DACH2: variants seen among roughly 807,000 people sequenced by gnomAD.
DACH2 encodes the protein dachshund homolog 2.
In DACH2, 17 loss-of-function variants were observed where a neutral mutation model predicts 35.8. The ratio of observed to expected loss-of-function variants is 0.48; its 90% CI spans 0.33 to 0.71. The LOEUF is 0.71. Among genes scored for constraint, DACH2 ranks in the 30% least tolerant of loss-of-function variants. The pLI is 0.02. For missense variants in DACH2, 469 were observed against 472.7 expected (o/e 0.99, Z 0.07); for synonymous variants, 195 against 177.3 (o/e 1.10, Z -0.79).
chrX:86,492,433 A>T (rs2038106464), intron 2 of DACH2, among the ~76,000 whole-genome samples: 1 of 111,908 alleles, frequency 8.9e-6, no homozygotes, highest in East Asian at 2.8e-4. Context: ...AAATACTTGA[A>T]TATATTTTGA....
intron 1 of DACH2, among the ~76,000 whole-genome samples, chrX:86,340,371 T>C (rs1442525258): frequency 9.0e-6 from 1 of 111,655 alleles, no homozygotes; most frequent in African/African-American, 3.3e-5. Flanking sequence ...TGATCTTTGA[T>C]GTTATCACTG....
intron 7 of DACH2, among the ~76,000 whole-genome samples, chrX:86,777,424 T>A (rs927881980): frequency 2.7e-5 from 3 of 111,007 alleles, no homozygotes; most frequent in Non-Finnish European, 3.8e-5. Context: ...AGAAGAGGGT[T>A]ATCAGTGGTT....
intron 1 of DACH2, among the ~76,000 whole-genome samples, chrX:86,358,430 G>A (rs73520057): frequency 0.039 from 2,384 of 61,282 alleles, 65 homozygotes; most frequent in East Asian, 0.32. Context: ...TCCCAGCCCC[G>A]CCACACACAC....
intron 1 of DACH2, among the ~76,000 whole-genome samples, chrX:86,178,742 G>A (rs893241081): frequency 3.6e-5 from 4 of 110,772 alleles, no homozygotes; most frequent in African/African-American, 1.3e-4. Context: ...TAAATCATGA[G>A]GTTTTTAAGA....
chrX:86,484,855 T>C (rs1302860631), intron 2 of DACH2, among the ~76,000 whole-genome samples: 1 of 112,380 alleles, frequency 8.9e-6, no homozygotes, highest in East Asian at 2.8e-4. Flanking sequence ...TACTACCGTA[T>C]ATTTTACTAT....
Position 86,739,990 on chromosome X carries a change from TATAA to T in DACH2, c.1240+112_1240+115del, listed in dbSNP as rs1478327684. 14 of 741,165 alleles carry T rather than the reference TATAA, an allele frequency of 1.9e-5. No homozygotes were observed. The African/African-American group carries it at 2.8e-4, about 15-fold the overall frequency. 61.1% of individuals were successfully genotyped at this position (741,165 alleles called of 1,213,427 possible). A position where few individuals can be genotyped will look rare whatever the true frequency, so the allele number is the denominator to read the frequency against. ...GCTGGGGAAGCTGATACCTCCTTAATATAAATAGCTTTTTGAAATTTGGTCTTTT... is the reference window on the plus strand; with the variant it reads ...GCTGGGGAAGCTGATACCTCCTTAATATAGCTTTTTGAAATTTGGTCTTTT... On this transcript the variant is annotated intron_variant, in intron 7 of 11. Transcript: ENST00000373125.
chrX:86,375,412 T>C (rs1175343979), intron 1 of DACH2, among the ~76,000 whole-genome samples: 2 of 101,040 alleles, frequency 2.0e-5, no homozygotes. Flanking sequence ...CATATATATA[T>C]GTATATATAT....
intron 7 of DACH2, among the ~76,000 whole-genome samples, chrX:86,766,905 T>C (rs2041940754): frequency 9.0e-6 from 1 of 111,534 alleles, no homozygotes; most frequent in African/African-American, 3.3e-5. Context: ...ATACCCACAG[T>C]TGAAAGAAAT....
At chrX:86,290,391 T>C (rs1373222612) in intron 1 of DACH2, among the ~76,000 whole-genome samples, 1 of 64,408 alleles carries the variant, frequency 1.6e-5, no homozygotes, top group East Asian at 5.6e-4. Flanking sequence ...ACTCTGATGG[T>C]AGTTTCTTTT....
intron 3 of DACH2, among the ~76,000 whole-genome samples, chrX:86,520,986 T>C (rs1248281015): frequency 9.0e-6 from 1 of 111,488 alleles, no homozygotes; most frequent in Non-Finnish European, 1.9e-5. Flanking sequence ...CGTGGTTGCT[T>C]TAGGGTGACA....
In DACH2 at chrX:86,426,153, G is replaced by A. The variant is rs148075803; in HGVS notation, c.527+49291G>A. Among the ~76,000 whole-genome samples, 616 of 111,403 alleles carry A rather than the reference G, an allele frequency of 5.5e-3. 5 individuals are homozygous for A. The highest frequency in any genetic ancestry group is 0.019 in the African/African-American group (591 of 30,792). On this transcript the variant is annotated intron_variant, in intron 2 of 11. Coordinates refer to ENST00000373125, the MANE Select transcript of DACH2 (RefSeq NM_053281.3). ...TTCCTCTTCCCTATATGGACTTTGT[G>A]TACACATAAAGTTAGCTAGGCAAAA...
chrX:86,679,590 GTC>G (rs771394859), intron 4 of DACH2, among the ~76,000 whole-genome samples: 107 of 97,515 alleles, frequency 1.1e-3, no homozygotes, highest in Middle Eastern at 5.4e-3. Context: ...GGTTTTATAT[GTC>G]TCTCTCTCTC....
intron 2 of DACH2, among the ~76,000 whole-genome samples, chrX:86,479,849 T>C (rs375811582): frequency 2.7e-5 from 3 of 112,616 alleles, no homozygotes; most frequent in Non-Finnish European, 5.6e-5. Flanking sequence ...TTTGTTAAAT[T>C]TATCTGATAA....
At chrX:86,506,259 A>G (rs1398991833) in intron 2 of DACH2, among the ~76,000 whole-genome samples, 1 of 111,682 alleles carries the variant, frequency 9.0e-6, no homozygotes, top group African/African-American at 3.3e-5. Context: ...TGTAGGGCTT[A>G]TGTTGCTGTT....
At chrX:86,774,633 A>G (rs930383242) in intron 7 of DACH2, among the ~76,000 whole-genome samples, 6 of 112,069 alleles carry the variant, frequency 5.4e-5, no homozygotes, top group African/African-American at 1.9e-4. Flanking sequence ...GCATTTCTGA[A>G]CACAATGGTT....
At chrX:86,767,988 C>T (rs778654728) in intron 7 of DACH2, among the ~76,000 whole-genome samples, 2 of 111,225 alleles carry the variant, frequency 1.8e-5, no homozygotes, top group South Asian at 3.7e-4. Flanking sequence ...ATGGTTCATT[C>T]GCTGGTGGCT....
chrX:86,751,133 G>A (rs1215177889), intron 7 of DACH2, among the ~76,000 whole-genome samples: 7 of 110,211 alleles, frequency 6.4e-5, no homozygotes, highest in Non-Finnish European at 7.6e-5. Context: ...CCAAAACTTG[G>A]CACCAAAACC....
chrX:86,312,517 G>A (rs1159498039), intron 1 of DACH2, among the ~76,000 whole-genome samples: 6 of 111,390 alleles, frequency 5.4e-5, no homozygotes, highest in African/African-American at 2.0e-4. Context: ...ATTAATTCTG[G>A]GTGTGTCTGT....
intron 2 of DACH2, among the ~76,000 whole-genome samples, chrX:86,380,815 G>GT (rs202036348): frequency 1.8e-5 from 2 of 109,083 alleles, no homozygotes; most frequent in African/African-American, 6.6e-5. Context: ...TGATTTTTGT[G>GT]TTTTTTTAAT....
Sources: gnomAD v4.1 joint callset for allele counts (sites outside exome capture counted in the v4.1 genomes callset) on GRCh38, gnomAD v4.1.1 for gene constraint, MANE v1.5 for transcripts, NCBI Gene and HGNC (gene_info 2026-07-23, HGNC 2026-07-21) for gene names.